Variants in ZC3H6 observed in about 807,000 individuals in gnomAD.
The protein encoded by ZC3H6 is zinc finger CCCH domain-containing protein 6.
ZC3H6 carries 40 observed loss-of-function variants against 107.7 expected under a neutral mutation model. The observed-to-expected ratio is 0.37, with a 90% CI of 0.29 to 0.48. ZC3H6 has a LOEUF of 0.48. Ranked by LOEUF, ZC3H6 falls within the 20% of genes least tolerant of loss-of-function variation. The pLI, the probability that ZC3H6 is intolerant of heterozygous loss-of-function variation, is 0.98. For synonymous variants in ZC3H6, 493 were observed against 487.9 expected (o/e 1.01, Z -0.14); for missense variants, 1,267 against 1,410.4 (o/e 0.90, Z 1.63).
Position 112,275,990 on chromosome 2 carries a change from C to A in ZC3H6, c.-5C>A. ...CCTCCAGCCCCGCCCCGTTCTTGAC[C>A]AAACATGACAGACTCTGAACATGCA... On this transcript the variant is annotated 5_prime_UTR_variant, in exon 1 of 12. Coordinates refer to ENST00000409871, the MANE Select transcript of ZC3H6 (RefSeq NM_198581.3). 1 of 1,537,714 alleles carries A rather than the reference C, an allele frequency of 6.5e-7. No homozygotes were observed. The highest frequency in any genetic ancestry group is 1.2e-5 in the South Asian group (1 of 82,488).
intron 11 of ZC3H6, 136 bp from the exon 12 acceptor site, chr2:112,330,869 T>C (rs187033415): frequency 4.3e-4 from 130 of 303,178 alleles, no homozygotes; most frequent in African/African-American, 2.9e-3. Context: ...AAATAGTATG[T>C]GTTTTTTAAT....
intron 2 of ZC3H6, among the ~76,000 whole-genome samples, chr2:112,302,700 CATT>C (rs1375688289): frequency 6.6e-6 from 1 of 152,096 alleles, no homozygotes; most frequent in East Asian, 1.9e-4. Context: ...CATCAATAAT[CATT>C]ATCAATTACT....
At chr2:112,288,394 G>A (rs1020108575) in intron 1 of ZC3H6, among the ~76,000 whole-genome samples, 7 of 152,194 alleles carry the variant, frequency 4.6e-5, no homozygotes, top group Non-Finnish European at 8.8e-5. Context: ...AAGTCACGAA[G>A]GGAAAGGAAG....
At chr2:112,325,647 A>G (rs781654350) in intron 11 of ZC3H6, among the ~76,000 whole-genome samples, 18 of 152,318 alleles carry the variant, frequency 1.2e-4, no homozygotes, top group Non-Finnish European at 2.1e-4. Flanking sequence ...CAGACTTGCA[A>G]GTAATTAAGC....
At position 112,324,456 on chromosome 2, in the gene ZC3H6, G is replaced by T; in HGVS notation, c.1645G>T (p.Gly549Trp). The T allele has an allele frequency of 1.9e-6, 3 of 1,613,964 alleles. No individual in the cohort carries two copies. The highest frequency in any genetic ancestry group is 2.5e-6 in the Non-Finnish European group (3 of 1,179,890). Residue 549 changes from glycine to tryptophan, a missense_variant, in exon 10 of 12, where the codon GGG (glycine) becomes TGG (tryptophan). By Grantham distance (184) the Gly-to-Trp change is radical. Around this residue, in one of 3 missense-constraint regions of ZC3H6, gnomAD observed 925 missense variants for 1,025.7 expected, o/e 0.90. Coordinates refer to ENST00000409871, the MANE Select transcript of ZC3H6 (RefSeq NM_198581.3). Reference protein sequence around the residue: ...DTSLTPPSMGGAYHSPGFPGH... With the variant: ...DTSLTPPSMGWAYHSPGFPGH... ...ATCTTTGACACCACCAAGTATGGGTGGGGCTTACCACTCCCCAGGCTTTCC... is the reference window on the plus strand; with the variant it reads ...ATCTTTGACACCACCAAGTATGGGTTGGGCTTACCACTCCCCAGGCTTTCC...
Position 112,322,654 on chromosome 2 carries a change from G to T in ZC3H6, c.1092G>T (p.Leu364Phe). Residue 364 changes from leucine (L) to phenylalanine (F), a missense_variant, in exon 9 of 12, where the codon TTG becomes TTT. Physicochemically the swap from Leu to Phe is conservative, Grantham distance 22. Transcript: ENST00000409871. ...TCTTTGCCAATTATTTTTAGGTGTTGAATACTGATGAAGAACTCATAAATG... is the reference window on the plus strand; with the variant it reads ...TCTTTGCCAATTATTTTTAGGTGTTTAATACTGATGAAGAACTCATAAATG... ...KETKKLLDKV[L>F]NTDEELINED... is the part of the protein sequence containing the mutation. 1 of 1,597,660 alleles carries T rather than the reference G, an allele frequency of 6.3e-7. No individual in the cohort carries two copies. The highest frequency in any genetic ancestry group is 1.2e-5 in the South Asian group (1 of 86,900).
chr2:112,306,174 C>CTTTT (rs35102517), intron 3 of ZC3H6, among the ~76,000 whole-genome samples: 8 of 136,880 alleles, frequency 5.8e-5, no homozygotes, highest in South Asian at 2.2e-4. Context: ...GTCTGTATTT[C>CTTTT]TTTTTTTTTT....
At position 112,336,960 on chromosome 2, in the gene ZC3H6, C is replaced by T. The variant is rs1573969969; in HGVS notation, c.*4472C>T. On this transcript the variant is annotated 3_prime_UTR_variant, in exon 12 of 12. Coordinates refer to ENST00000409871, the MANE Select transcript of ZC3H6 (RefSeq NM_198581.3). ...TTTGTTAACTGCTTGTTGATGGCTTCCTGACATCCATCCAAATGTCACTTT... is the reference window on the plus strand; with the variant it reads ...TTTGTTAACTGCTTGTTGATGGCTTTCTGACATCCATCCAAATGTCACTTT... 6.6e-6 allele frequency: 1 copy of T among 152,268 alleles called. No homozygotes were observed. Among genetic ancestry groups the T allele is most frequent in the South Asian group, 2.1e-4 (1 of 4,822 alleles). 9.4% of individuals were successfully genotyped at this position (152,268 alleles called of 1,614,324 possible).
intron 5 of ZC3H6, among the ~76,000 whole-genome samples, chr2:112,315,178 G>GT (rs975292419): frequency 6.6e-6 from 1 of 152,096 alleles, no homozygotes; most frequent in African/African-American, 2.4e-5. Flanking sequence ...AAATAATGTT[G>GT]TTTTTTAGAG....
At position 112,324,223 on chromosome 2, in the gene ZC3H6, A is replaced by G. The variant is rs758980956; in HGVS notation, c.1412A>G (p.His471Arg). ...QFQGSSPHPQ[H>R]IYSSGSSPGP... ...CAGGGAAGCAGTCCACACCCTCAACATATCTATAGTTCTGGGTCAAGTCCA... is the reference window on the plus strand; with the variant it reads ...CAGGGAAGCAGTCCACACCCTCAACGTATCTATAGTTCTGGGTCAAGTCCA... The change falls in exon 10 of 12, where the codon CAT becomes CGT. Residue 471 changes from histidine to arginine, a missense_variant. Coordinates refer to ENST00000409871, the MANE Select transcript of ZC3H6 (RefSeq NM_198581.3). The G allele has an allele frequency of 8.1e-6, 13 of 1,609,884 alleles. No individual in the cohort carries two copies. The highest frequency in any genetic ancestry group is 4.0e-5 in the African/African-American group (3 of 74,818).
chr2:112,317,542 G>GA (rs1483516678), intron 7 of ZC3H6, among the ~76,000 whole-genome samples: 1 of 152,056 alleles, frequency 6.6e-6, no homozygotes, highest in African/African-American at 2.4e-5. Context: ...CTGCCCTTTG[G>GA]AAAAAATTCT....
intron 1 of ZC3H6, among the ~76,000 whole-genome samples, chr2:112,291,188 T>G (rs1676106852): frequency 6.6e-6 from 1 of 152,284 alleles, no homozygotes; most frequent in African/African-American, 2.4e-5. Flanking sequence ...TCTAGAATTT[T>G]AACTGTGATT....
rs920775163 is a variant in ZC3H6 at position 112,275,741 on chromosome 2, GCGGCAGCGC to G, written c.-244_-236del. On this transcript the variant is annotated 5_prime_UTR_variant, in exon 1 of 12. Transcript: ENST00000409871. Reference sequence around the variant, plus strand: ...CCACCGGCGGCGAATAGAGACTAGAGCGGCAGCGCCGGCAGCGCGGGGCCGTTGCCCAGT... The same window carrying G: ...CCACCGGCGGCGAATAGAGACTAGAGCGGCAGCGCGGGGCCGTTGCCCAGT... 8 of 431,734 alleles carry G rather than the reference GCGGCAGCGC, an allele frequency of 1.9e-5. No homozygotes were observed. Among genetic ancestry groups the G allele is most frequent in the Middle Eastern group, 5.9e-4 (1 of 1,700 alleles). 26.7% of individuals were successfully genotyped at this position (431,734 alleles called of 1,614,324 possible). A position where few individuals can be genotyped will look rare whatever the true frequency, so the allele number is the denominator to read the frequency against.
chr2:112,290,356 A>G (rs560238588), intron 1 of ZC3H6, among the ~76,000 whole-genome samples: 10 of 152,304 alleles, frequency 6.6e-5, no homozygotes, highest in African/African-American at 2.4e-4. Flanking sequence ...CCCATCCCCT[A>G]TCTCTCAGGC....
At chr2:112,291,616 T>C (rs1306356912) in intron 1 of ZC3H6, among the ~76,000 whole-genome samples, 2 of 152,242 alleles carry the variant, frequency 1.3e-5, no homozygotes, top group Non-Finnish European at 2.9e-5. Flanking sequence ...ATCAGTCTGC[T>C]TGCTGGTTAA....
rs924744664 is a variant in ZC3H6 at position 112,337,201 on chromosome 2, C to G, written c.*4713C>G. Reference sequence around the variant, plus strand: ...TAACTTTAAGAGTCCTCCAGACTTACAAGATTACTTCATGGTGAAAGTTTG... The same window carrying G: ...TAACTTTAAGAGTCCTCCAGACTTAGAAGATTACTTCATGGTGAAAGTTTG... On this transcript the variant is annotated 3_prime_UTR_variant, in exon 12 of 12. Coordinates refer to ENST00000409871, the MANE Select transcript of ZC3H6 (RefSeq NM_198581.3). 1 of 151,928 alleles carries G rather than the reference C, an allele frequency of 6.6e-6. No individual in the cohort carries two copies. Among genetic ancestry groups the G allele is most frequent in the African/African-American group, 2.4e-5 (1 of 41,356 alleles). The allele number at this position is 151,928 out of a possible 1,614,324, so 9.4% of individuals were successfully genotyped here. A position where few individuals can be genotyped will look rare whatever the true frequency, so the allele number is the denominator to read the frequency against.
rs1677039079 is a variant in ZC3H6 at position 112,331,839 on chromosome 2, A to C, written c.2921A>C (p.His974Pro). The change falls in exon 12 of 12, where the codon CAC (histidine) becomes CCC (proline). Residue 974 changes from histidine (H) to proline (P), a missense_variant. Around this residue, in one of 3 missense-constraint regions of ZC3H6, gnomAD observed 925 missense variants for 1,025.7 expected, o/e 0.90. Transcript: ENST00000409871. ...CAAAAAAATTTTGATCCTAGGCTTC[A>C]CAGACTGCCCAATACAGAGTCTCAT... Reference protein sequence around the residue: ...RLQKNFDPRLHRLPNTESHQV... With the variant: ...RLQKNFDPRLPRLPNTESHQV... 1 of 1,613,886 alleles carries C rather than the reference A, an allele frequency of 6.2e-7. No homozygotes were observed. Among genetic ancestry groups the C allele is most frequent in the South Asian group, 1.1e-5 (1 of 91,090 alleles).
chr2:112,310,759 C>T (rs899078788), intron 4 of ZC3H6, among the ~76,000 whole-genome samples: 1 of 152,172 alleles, frequency 6.6e-6, no homozygotes, highest in African/African-American at 2.4e-5. Context: ...GTCAATGTAT[C>T]TGCTTCAGGA....
intron 1 of ZC3H6, among the ~76,000 whole-genome samples, chr2:112,291,523 C>T (rs1466809247): frequency 1.3e-5 from 2 of 152,172 alleles, no homozygotes; most frequent in African/African-American, 2.4e-5. Context: ...CATGAGCCAC[C>T]GCGCCAGGCC....
Sources: allele counts gnomAD v4.1 joint callset (sites outside exome capture counted in the v4.1 genomes callset), GRCh38; gene constraint gnomAD v4.1.1; regional missense constraint gnomAD v4.1.1; transcripts MANE v1.5; gene names NCBI Gene and HGNC (gene_info 2026-07-23, HGNC 2026-07-21).